THSD7A: variants seen among roughly 807,000 people sequenced by gnomAD.
THSD7A encodes the protein thrombospondin type-1 domain-containing protein 7A.
Under a neutral mutation model 231.3 loss-of-function variants are expected in THSD7A, and 96 were observed. The ratio of observed to expected loss-of-function variants is 0.41; its 90% CI spans 0.35 to 0.49. The LOEUF is 0.49. Ranked by LOEUF, THSD7A falls within the 20% of genes least tolerant of loss-of-function variation. THSD7A has a pLI of 0.05. For missense variants in THSD7A, 2,290 were observed against 2,070.2 expected (o/e 1.11, Z -2.06); for synonymous variants, 940 against 743.3 (o/e 1.26, Z -4.30).
At chr7:11,621,427 T>A (rs779935524) in intron 2 of THSD7A, among the ~76,000 whole-genome samples, 5 of 152,204 alleles carry the variant, frequency 3.3e-5, no homozygotes, top group Non-Finnish European at 7.4e-5. Context: ...GAGTTTACGA[T>A]GACATCCCTT....
intron 13 of THSD7A, among the ~76,000 whole-genome samples, chr7:11,430,475 T>C (rs1354876808): frequency 2.6e-5 from 4 of 152,190 alleles, no homozygotes; most frequent in Admixed American, 6.5e-5. Context: ...ATTTCTTTTT[T>C]GTTTTAGAGA....
rs1046323599 is a variant in THSD7A, at chr7:11,411,609, A to G, written c.3683-287T>C. On this transcript the variant is annotated intron_variant, in intron 18 of 27. Coordinates refer to ENST00000423059, the MANE Select transcript of THSD7A (RefSeq NM_015204.3). This position sits in a 1 kb window ranked among gnomAD's most constrained non-coding sequence, Gnocchi z 4.1. ...CACTGTGAAAATGGCTTTGGCTTAC[A>G]GATCAATGTCACTTAAAAACTTTCT... is the stretch of plus-strand genomic sequence containing the variant. Among the ~76,000 whole-genome samples the G allele has an allele frequency of 6.6e-6, 1 of 152,228 alleles. No homozygotes were observed. Among genetic ancestry groups the G allele is most frequent in the Non-Finnish European group, 1.5e-5 (1 of 68,034 alleles).
chr7:11,710,011 T>A (rs966461756), intron 1 of THSD7A, among the ~76,000 whole-genome samples: 1 of 150,880 alleles, frequency 6.6e-6, no homozygotes, highest in African/African-American at 2.4e-5. Context: ...AATGTCATTA[T>A]CTCAAGAATC....
At chr7:11,471,639 TC>T (rs1347225563) in intron 8 of THSD7A, among the ~76,000 whole-genome samples, 4 of 152,182 alleles carry the variant, frequency 2.6e-5, no homozygotes, top group East Asian at 1.9e-4. Context: ...TCAAAAATAA[TC>T]TTTTTGATTT....
intron 4 of THSD7A, 71 bp from the exon 5 acceptor site, chr7:11,543,188 CTG>C (rs1789228016): frequency 1.4e-6 from 2 of 1,433,334 alleles, no homozygotes; most frequent in African/African-American, 1.4e-5. Context: ...TATGATTTTT[CTG>C]TGTGTATGGA....
intron 2 of THSD7A, among the ~76,000 whole-genome samples, chr7:11,633,584 C>G (rs1028359946): frequency 6.6e-6 from 1 of 152,128 alleles, no homozygotes; most frequent in Non-Finnish European, 1.5e-5. Flanking sequence ...ACACATAATG[C>G]CCTTCTAAGT....
At chr7:11,651,418 A>C (rs1782496314) in intron 1 of THSD7A, among the ~76,000 whole-genome samples, 1 of 152,014 alleles carries the variant, frequency 6.6e-6, no homozygotes, top group South Asian at 2.1e-4. Context: ...TTCACTTAGA[A>C]ATGGTCAAAA....
intron 6 of THSD7A, among the ~76,000 whole-genome samples, chr7:11,502,746 C>A (rs1244976050): frequency 6.6e-6 from 1 of 152,046 alleles, no homozygotes; most frequent in African/African-American, 2.4e-5. Flanking sequence ...ATACAGCCAA[C>A]TAGAATGGTG....
Position 11,637,701 on chromosome 7 carries a change from T to C in THSD7A, c.191-740A>G, listed in dbSNP as rs753073949. ...GTTATTTGGGGTCTTATTTATTTATTCATTTCTTAAACATGAACTATTTGG... is the reference window on the plus strand; with the variant it reads ...GTTATTTGGGGTCTTATTTATTTATCCATTTCTTAAACATGAACTATTTGG... On this transcript the variant is annotated intron_variant, in intron 1 of 27. Coordinates refer to ENST00000423059, the MANE Select transcript of THSD7A (RefSeq NM_015204.3). The surrounding 1 kb of genome is among the most constrained non-coding windows in gnomAD (Gnocchi z 4.2). 6.6e-6 allele frequency among the ~76,000 whole-genome samples: 1 copy of C among 152,218 alleles called. No homozygotes were observed. Among genetic ancestry groups the C allele is most frequent in the Non-Finnish European group, 1.5e-5 (1 of 68,034 alleles).
intron 8 of THSD7A, among the ~76,000 whole-genome samples, chr7:11,471,246 A>T (rs150547682): frequency 1.8e-3 from 267 of 152,138 alleles, no homozygotes; most frequent in African/African-American, 6.2e-3. Flanking sequence ...ATGAAAAAAT[A>T]ATCTAAACAA....
chr7:11,632,149 C>G lies in THSD7A; in HGVS notation c.1022+3981G>C, dbSNP rs956873865. The stretch of plus-strand genomic sequence containing the variant: ...ATCTTGTGAAGTTAGCCTTTCCTCT[C>G]TCTTTATTTTTCAGTATTTTCCTGT... On this transcript the variant is annotated intron_variant, in intron 2 of 27. Coordinates refer to ENST00000423059, the MANE Select transcript of THSD7A (RefSeq NM_015204.3). This position sits in a 1 kb window ranked among gnomAD's most constrained non-coding sequence, Gnocchi z 4.1. Among the ~76,000 whole-genome samples, 1 of 152,028 alleles carries G rather than the reference C, an allele frequency of 6.6e-6. No homozygotes were observed. Among genetic ancestry groups the G allele is most frequent in the East Asian group, 1.9e-4 (1 of 5,194 alleles).
intron 4 of THSD7A, among the ~76,000 whole-genome samples, chr7:11,548,806 A>G (rs533862908): frequency 6.6e-6 from 1 of 151,838 alleles, no homozygotes; most frequent in Non-Finnish European, 1.5e-5. Flanking sequence ...GCATCACTTC[A>G]TGTTAAAAAC....
At chr7:11,719,928 T>C (rs770010914) in intron 1 of THSD7A, among the ~76,000 whole-genome samples, 1 of 151,440 alleles carries the variant, frequency 6.6e-6, no homozygotes, top group African/African-American at 2.4e-5. Flanking sequence ...TCTCCTTAAC[T>C]ATAACTCTGT....
rs188719898 is a variant in THSD7A at position 11,730,912 on chromosome 7, C to T, written c.191-93951G>A. Among the ~76,000 whole-genome samples the T allele has an allele frequency of 3.8e-3, 570 of 151,680 alleles. 4 individuals are homozygous for T. Among genetic ancestry groups the T allele is most frequent in the Middle Eastern group, 0.021 (6 of 292 alleles). On this transcript the variant is annotated intron_variant, in intron 1 of 27. Transcript: ENST00000423059. Reference sequence around the variant, plus strand: ...CTTTTTATTCATATCTCTTTCTGTCCGCTATGACAACTTTCAATTTCAGTT... The same window carrying T: ...CTTTTTATTCATATCTCTTTCTGTCTGCTATGACAACTTTCAATTTCAGTT...
At chr7:11,646,937 T>C (rs1415499686) in intron 1 of THSD7A, among the ~76,000 whole-genome samples, 2 of 152,046 alleles carry the variant, frequency 1.3e-5, no homozygotes, top group Admixed American at 6.6e-5. Context: ...TGCAAGCATA[T>C]GTAATAAAAT....
chr7:11,780,884 G>A (rs1282599670), intron 1 of THSD7A, among the ~76,000 whole-genome samples: 2 of 150,186 alleles, frequency 1.3e-5, no homozygotes, highest in Non-Finnish European at 3.0e-5. Context: ...CCAGCTACTC[G>A]GGAGGCTGAG....
intron 6 of THSD7A, among the ~76,000 whole-genome samples, chr7:11,535,452 A>C (rs895564761): frequency 2.2e-4 from 33 of 152,024 alleles, no homozygotes; most frequent in Non-Finnish European, 1.2e-4. Context: ...ATTTTCTAAA[A>C]GGTTATAATG....
intron 1 of THSD7A, among the ~76,000 whole-genome samples, chr7:11,786,775 A>AAAAAAG (rs1562555415): frequency 1.6e-4 from 24 of 148,440 alleles, no homozygotes; most frequent in South Asian, 2.1e-4. Context: ...AAAAAAAAAA[A>AAAAAAG]AAAAAGAAAA....
Position 11,379,251 on chromosome 7 carries a change from G to A in THSD7A, c.4620C>T (p.Tyr1540=), listed in dbSNP as rs1782410880. The stretch of plus-strand genomic sequence containing the variant: ...TGCTGTTAGAAGACATGACTTCAGT[G>A]TACCCTTCTTCACAATGGCATGTTT... The part of the protein sequence containing the change: ...ETKTCHCEEG[Y]TEVMSSNSTL... Residue 1540 remains tyrosine, a synonymous_variant, in exon 26 of 28, where the codon TAC becomes TAT. Transcript: ENST00000423059. 6 of 1,613,478 alleles carry A rather than the reference G, an allele frequency of 3.7e-6. No homozygotes were observed. Among genetic ancestry groups the A allele is most frequent in the African/African-American group, 1.3e-5 (1 of 74,884 alleles).
Sources: gnomAD v4.1 joint callset for allele counts (sites outside exome capture counted in the v4.1 genomes callset) on GRCh38, gnomAD v4.1.1 for gene constraint, Gnocchi (gnomAD v3.1) non-coding constraint, MANE v1.5 for transcripts, NCBI Gene and HGNC (gene_info 2026-07-23, HGNC 2026-07-21) for gene names.